PHF21B: variants seen among roughly 807,000 people sequenced by gnomAD.
PHF21B encodes PHD finger protein 4.
Under a neutral mutation model 62.2 loss-of-function variants are expected in PHF21B, and 22 were observed. The observed-to-expected ratio is 0.35, with a 90% CI of 0.25 to 0.51. The LOEUF is 0.51. Ranked by LOEUF, PHF21B falls within the 20% of genes least tolerant of loss-of-function variation. The pLI, the probability that PHF21B is intolerant of heterozygous loss-of-function variation, is 0.97. For synonymous variants in PHF21B, 341 were observed against 314.7 expected, an observed-to-expected ratio of 1.08 and a Z score of -0.88; for missense variants, 701 against 707.9, an observed-to-expected ratio of 0.99 and a Z score of 0.11.
intron 2 of PHF21B, among the ~76,000 whole-genome samples, chr22:44,994,998 G>A (rs1356224933): frequency 6.6e-6 from 1 of 152,198 alleles, no homozygotes; most frequent in Non-Finnish European, 1.5e-5. Context: ...GCTCATACTG[G>A]TACTCGCCAG....
chr22:44,951,175 A>G (rs2072186197), intron 2 of PHF21B, among the ~76,000 whole-genome samples: 1 of 152,200 alleles, frequency 6.6e-6, no homozygotes, highest in Admixed American at 6.5e-5. Flanking sequence ...TGTGCAGTCA[A>G]ACCTCTCTGC....
chr22:44,901,100 C>A (rs558884979), intron 5 of PHF21B, among the ~76,000 whole-genome samples: 3 of 152,346 alleles, frequency 2.0e-5, no homozygotes, highest in East Asian at 1.9e-4. Context: ...GGCTGCAGAG[C>A]CACCTGACTG....
intron 2 of PHF21B, among the ~76,000 whole-genome samples, chr22:44,935,975 C>T (rs929477293): frequency 2.0e-5 from 3 of 152,230 alleles, no homozygotes; most frequent in Admixed American, 2.0e-4. Context: ...ACACCACATT[C>T]TGTTCTCTCT....
Position 45,009,597 on chromosome 22 carries a change from G to A in PHF21B, c.-48C>T, listed in dbSNP as rs757932371. The stretch of plus-strand genomic sequence containing the variant: ...TGCGCTCACTTTGGCCCGGGCTCCC[G>A]GGAAGTTGCGCGGCTCCGCGGGGGC... On this transcript the variant is annotated 5_prime_UTR_variant, in exon 1 of 13. Transcript: ENST00000313237. This position sits in a 1 kb window ranked among gnomAD's most constrained non-coding sequence, Gnocchi z 5.9. The A allele has an allele frequency of 2.6e-6, 4 of 1,511,454 alleles. No individual in the cohort carries two copies. The highest frequency in any genetic ancestry group is 2.2e-5 in the Admixed American group (1 of 46,230). 93.6% of individuals were successfully genotyped at this position (1,511,454 alleles called of 1,614,324 possible). A position where few individuals can be genotyped will look rare whatever the true frequency, so the allele number is the denominator to read the frequency against.
At chr22:44,995,880 G>A (rs988733800) in intron 2 of PHF21B, among the ~76,000 whole-genome samples, 20 of 145,964 alleles carry the variant, frequency 1.4e-4, no homozygotes, top group South Asian at 4.5e-4. Context: ...CATCTCCGCC[G>A]GGCCCCAGAC....
intron 2 of PHF21B, among the ~76,000 whole-genome samples, chr22:44,928,832 C>A (rs1038903770): frequency 2.6e-5 from 4 of 152,222 alleles, no homozygotes; most frequent in African/African-American, 4.8e-5. Context: ...GTGGACCAGG[C>A]TCTCCAGAGT....
chr22:44,891,464 C>A, intron 7 of PHF21B, 104 bp from the exon 8 acceptor site: 1 of 1,376,372 alleles, frequency 7.3e-7, no homozygotes, highest in South Asian at 1.3e-5. Context: ...GGTTCCCACC[C>A]AGGGCTCCAG....
At chr22:44,949,276 G>A (rs1218747258) in intron 2 of PHF21B, among the ~76,000 whole-genome samples, 1 of 146,818 alleles carries the variant, frequency 6.8e-6, no homozygotes, top group African/African-American at 2.6e-5. Flanking sequence ...ACTTCAGCCT[G>A]GGTAACAAGA....
rs56878868 is a variant in PHF21B at position 44,896,880 on chromosome 22, G to GTTTTTTTTTTTTTTTTTTTTTT, written c.832-798_832-797insAAAAAAAAAAAAAAAAAAAAAA. Among the ~76,000 whole-genome samples the GTTTTTTTTTTTTTTTTTTTTTT allele has an allele frequency of 1.3e-4, 11 of 84,040 alleles. 2 individuals carry two copies. Among genetic ancestry groups the GTTTTTTTTTTTTTTTTTTTTTT allele is most frequent in the African/African-American group, 3.3e-4 (8 of 24,242 alleles). The allele number at this position is 84,040 out of a possible 152,430, so 55.1% of individuals were successfully genotyped here. A position where few individuals can be genotyped will look rare whatever the true frequency, so the allele number is the denominator to read the frequency against. ...AACAGGGTGGCACTTAGTTTTATCT[G>GTTTTTTTTTTTTTTTTTTTTTT]TTTTTTTTTTTTTTTTGAGACAGGT... On this transcript the variant is annotated intron_variant, in intron 5 of 12. Coordinates refer to ENST00000313237, the MANE Select transcript of PHF21B (RefSeq NM_138415.5).
chr22:44,939,436 A>G (rs1384917194), intron 2 of PHF21B, among the ~76,000 whole-genome samples: 7 of 152,264 alleles, frequency 4.6e-5, no homozygotes, highest in African/African-American at 2.4e-5. Flanking sequence ...AATGAAATGC[A>G]GGAAGCACTG....
chr22:44,910,033 A>G (rs1259491338), intron 5 of PHF21B, among the ~76,000 whole-genome samples: 1 of 152,182 alleles, frequency 6.6e-6, no homozygotes, highest in Non-Finnish European at 1.5e-5. Context: ...TGATGTCCCT[A>G]GCCTTTGGCA....
At position 44,909,853 on chromosome 22, in the gene PHF21B, T is replaced by C. The variant is rs146375995; in HGVS notation, c.831+3969A>G. 1.9e-3 allele frequency among the ~76,000 whole-genome samples: 295 copies of C among 152,364 alleles called. 1 individual carries two copies. The highest frequency in any genetic ancestry group is 0.012 in the South Asian group (56 of 4,830). Reference sequence around the variant, plus strand: ...TTCTCTCCAAAGCCTTCCTCAGTCCTTCCAGGAGGAAACAGCTCTCTCCCT... The same window carrying C: ...TTCTCTCCAAAGCCTTCCTCAGTCCCTCCAGGAGGAAACAGCTCTCTCCCT... On this transcript the variant is annotated intron_variant, in intron 5 of 12. Transcript: ENST00000313237.
At chr22:44,973,235 C>A (rs1031320723) in intron 2 of PHF21B, among the ~76,000 whole-genome samples, 3 of 152,184 alleles carry the variant, frequency 2.0e-5, no homozygotes, top group African/African-American at 4.8e-5. Flanking sequence ...CCCTCCCTGT[C>A]CCTGGACCCT....
intron 2 of PHF21B, among the ~76,000 whole-genome samples, chr22:44,945,169 A>G (rs2072041515): frequency 6.6e-6 from 1 of 152,194 alleles, no homozygotes; most frequent in Non-Finnish European, 1.5e-5. Context: ...AGCTGCAGAA[A>G]TCCTGGGTTT....
chr22:44,989,431 G>A (rs1007267386), intron 2 of PHF21B: 6 of 152,266 alleles, frequency 3.9e-5, no homozygotes, highest in African/African-American at 9.6e-5. Context: ...ACGGGTTAAT[G>A]TAAGTGGCAA....
At chr22:44,973,443 G>T (rs556919218) in intron 2 of PHF21B, among the ~76,000 whole-genome samples, 1 of 152,200 alleles carries the variant, frequency 6.6e-6, no homozygotes, top group Non-Finnish European at 1.5e-5. Context: ...AGAGACAGGC[G>T]GAGACAGAGA....
intron 2 of PHF21B, among the ~76,000 whole-genome samples, chr22:45,007,679 T>TGCGCGGGGAAGGGGCGGGTGTGCGA (rs1457912728): frequency 8.2e-6 from 1 of 122,240 alleles, no homozygotes; most frequent in African/African-American, 3.1e-5. Flanking sequence ...GGCTCGGGGC[T>TGCGCGGGGAAGGGGCGGGTGTGCGA]GCGCGGGGAA....
chr22:44,995,890 C>T (rs189667332), intron 2 of PHF21B, among the ~76,000 whole-genome samples: 3 of 151,342 alleles, frequency 2.0e-5, no homozygotes, highest in Admixed American at 2.0e-4. Flanking sequence ...GGGCCCCAGA[C>T]GATGCAGAGG....
At chr22:44,902,456 T>C (rs1400976542) in intron 5 of PHF21B, 2 of 175,872 alleles carry the variant, frequency 1.1e-5, no homozygotes, top group Non-Finnish European at 2.4e-5. Context: ...ATAAAGGATA[T>C]ATAAAAATAA....
Sources: gnomAD v4.1 joint callset for allele counts (sites outside exome capture counted in the v4.1 genomes callset) on GRCh38, gnomAD v4.1.1 for gene constraint, Gnocchi (gnomAD v3.1) non-coding constraint, MANE v1.5 for transcripts, NCBI Gene and HGNC (gene_info 2026-07-23, HGNC 2026-07-21) for gene names.